Variants in SMPDL3A observed in about 807,000 individuals in gnomAD.
The protein encoded by SMPDL3A is sphingomyelin phosphodiesterase acid like 3A, also known as cyclic GMP-AMP phosphodiesterase SMPDL3A.
SMPDL3A carries 39 observed loss-of-function variants against 38.5 expected under a neutral mutation model. The ratio of observed to expected loss-of-function variants is 1.01; its 90% CI spans 0.78 to 1.32. The LOEUF (loss-of-function observed/expected upper bound fraction) is 1.32. SMPDL3A is among the 40% of genes most tolerant of loss of function. The pLI is 0.00. For synonymous variants in SMPDL3A, 180 were observed against 194.3 expected (o/e 0.93, Z 0.61); for missense variants, 502 against 536.2 (o/e 0.94, Z 0.63).
intron 1 of SMPDL3A, among the ~76,000 whole-genome samples, chr6:122,794,264 T>C (rs1487623272): frequency 6.6e-6 from 1 of 152,202 alleles, no homozygotes; most frequent in African/African-American, 2.4e-5. Flanking sequence ...TAAAGAGAGA[T>C]ACCACTGTGA....
intron 4 of SMPDL3A, among the ~76,000 whole-genome samples, chr6:122,802,290 C>T (rs1220920644): frequency 6.6e-6 from 1 of 151,728 alleles, no homozygotes; most frequent in Non-Finnish European, 1.5e-5. Context: ...CAACCTCTGC[C>T]TCCTGGTTTC....
At chr6:122,802,049 C>T (rs962614894) in intron 4 of SMPDL3A, among the ~76,000 whole-genome samples, 2 of 152,072 alleles carry the variant, frequency 1.3e-5, no homozygotes, top group African/African-American at 2.4e-5. Context: ...ATACTTCTTT[C>T]GGTATTTTTG....
At chr6:122,789,698 G>A (rs1314000440) in intron 1 of SMPDL3A, 1 of 460,452 alleles carries the variant, frequency 2.2e-6, no homozygotes, top group Non-Finnish European at 2.9e-6. Context: ...GCCCTCGCCG[G>A]TGGGGGCGCT....
chr6:122,803,975 ATTTTCTTTCTTT>A (rs1781513237), intron 5 of SMPDL3A, 142 bp downstream of exon 5: 1 of 587,696 alleles, frequency 1.7e-6, no homozygotes, highest in Non-Finnish European at 2.8e-6. Flanking sequence ...CAACTCATGG[ATTTTCTTTCTTT>A]TTTTTTTTTT....
Position 122,806,322 on chromosome 6 carries a change from C to T in SMPDL3A, c.1009C>T (p.Leu337=). The change falls in exon 7 of 8, where the codon CTG becomes TTG. Residue 337 remains leucine, a synonymous_variant. Transcript: ENST00000368440. ...ACAGACCAACAATCCTGGTATCAGA[C>T]TGTTTCAGTATGATCCTCGTGATTA... ...EKQTNNPGIR[L]FQYDPRDYKL... 1 of 1,613,274 alleles carries T rather than the reference C, an allele frequency of 6.2e-7. No individual in the cohort carries two copies. Among genetic ancestry groups the T allele is most frequent in the Non-Finnish European group, 8.5e-7 (1 of 1,179,458 alleles).
chr6:122,795,809 A>C lies in SMPDL3A; in HGVS notation c.245A>C (p.Asp82Ala). 6.2e-7 allele frequency: 1 copy of C among 1,614,140 alleles called. No individual in the cohort carries two copies. Among genetic ancestry groups the C allele is most frequent in the Non-Finnish European group, 8.5e-7 (1 of 1,179,976 alleles). ...GGCCCTTTTGGAGATGTTCTGTGTGATTCTCCATATCAACTTATTTTGTCA... is the reference window on the plus strand; with the variant it reads ...GGCCCTTTTGGAGATGTTCTGTGTGCTTCTCCATATCAACTTATTTTGTCA... ...NPGPFGDVLC[D>A]SPYQLILSAF... The change falls in exon 2 of 8, where the codon GAT becomes GCT. Residue 82 changes from aspartate to alanine, a missense_variant. Coordinates refer to ENST00000368440, the MANE Select transcript of SMPDL3A (RefSeq NM_006714.5).
At chr6:122,795,317 A>G (rs1040958489) in intron 1 of SMPDL3A, among the ~76,000 whole-genome samples, 2 of 151,954 alleles carry the variant, frequency 1.3e-5, no homozygotes, top group Non-Finnish European at 2.9e-5. Flanking sequence ...AATTTTTTAT[A>G]TTTTTGGTAG....
Position 122,809,188 on chromosome 6 carries a change from A to C in SMPDL3A, c.1142A>C (p.Glu381Ala), listed in dbSNP as rs138595330. 74 of 1,614,194 alleles carry C rather than the reference A, an allele frequency of 4.6e-5. No individual in the cohort carries two copies. In the African/African-American group the frequency reaches 7.5e-4, roughly 16 times the overall value. ...EYILTQTYDIEDLQPESLYGL... is the reference protein window; with the variant it reads ...EYILTQTYDIADLQPESLYGL... ...ATCCTGACCCAGACCTACGACATTGAAGATTTGCAGCCGGAAAGTTTATAT... is the reference window on the plus strand; with the variant it reads ...ATCCTGACCCAGACCTACGACATTGCAGATTTGCAGCCGGAAAGTTTATAT... Residue 381 changes from glutamate (E) to alanine (A), a missense_variant, in exon 8 of 8, where the codon GAA becomes GCA. Transcript: ENST00000368440.
At chr6:122,789,543 G>A in intron 1 of SMPDL3A, 85 bp downstream of exon 1, 1 of 1,213,864 alleles carries the variant, frequency 8.2e-7, no homozygotes, top group Non-Finnish European at 1.2e-6. Context: ...AAGTGCGTGG[G>A]GGCAGCTGCC....
rs564184573 is a variant in SMPDL3A, at chr6:122,809,279, T to C, written c.1233T>C (p.Phe411=). The change falls in exon 8 of 8, where the codon TTT becomes TTC. Residue 411 remains phenylalanine (F), a synonymous_variant. Coordinates refer to ENST00000368440, the MANE Select transcript of SMPDL3A (RefSeq NM_006714.5). ...KQFIKYYNYF[F]VSYDSSVTCD... ...TTATAAAATACTACAATTACTTCTT[T>C]GTGAGTTATGACAGCAGTGTAACAT... 6.2e-7 allele frequency: 1 copy of C among 1,614,046 alleles called. No individual in the cohort carries two copies. Among genetic ancestry groups the C allele is most frequent in the African/African-American group, 1.3e-5 (1 of 75,052 alleles).
intron 2 of SMPDL3A, among the ~76,000 whole-genome samples, chr6:122,796,232 A>C (rs1357849729): frequency 6.6e-6 from 1 of 152,200 alleles, no homozygotes; most frequent in East Asian, 1.9e-4. Context: ...CAATTTTGTA[A>C]AGCATCATCT....
intron 7 of SMPDL3A, among the ~76,000 whole-genome samples, chr6:122,808,388 C>T (rs1781706393): frequency 6.6e-6 from 1 of 152,174 alleles, no homozygotes; most frequent in Non-Finnish European, 1.5e-5. Flanking sequence ...AAAAATTTGA[C>T]AGTCGGCTTT....
intron 1 of SMPDL3A, among the ~76,000 whole-genome samples, chr6:122,795,229 C>T (rs551176420): frequency 1.4e-4 from 21 of 152,096 alleles, no homozygotes; most frequent in Non-Finnish European, 2.4e-4. Context: ...ACAACCTCCA[C>T]CTCCCGGGTT....
chr6:122,806,071 T>G (rs1340561403), intron 6 of SMPDL3A, among the ~76,000 whole-genome samples, 162 bp from the exon 7 acceptor site: 1 of 152,226 alleles, frequency 6.6e-6, no homozygotes, highest in Non-Finnish European at 1.5e-5. Context: ...TGTCCCTATT[T>G]TCTCCAAATT....
intron 1 of SMPDL3A, 25 bp from the exon 2 acceptor site, chr6:122,795,652 T>C (rs1375746194): frequency 6.5e-7 from 1 of 1,546,902 alleles, no homozygotes. Flanking sequence ...AGTAGATTTA[T>C]CTGCATTTTT....
At chr6:122,808,086 A>C (rs1003207610) in intron 7 of SMPDL3A, among the ~76,000 whole-genome samples, 2 of 152,144 alleles carry the variant, frequency 1.3e-5, no homozygotes, top group African/African-American at 2.4e-5. Context: ...ATAATTTCTT[A>C]TATAATTTCT....
chr6:122,803,565 C>A, intron 4 of SMPDL3A, 99 bp from the exon 5 acceptor site: 1 of 820,404 alleles, frequency 1.2e-6, no homozygotes, highest in Non-Finnish European at 1.9e-6. Flanking sequence ...AAATAAGCAC[C>A]AACCTCCTGA....
chr6:122,799,577 C>A lies in SMPDL3A; in HGVS notation c.472-1733C>A, dbSNP rs953416526. 3.9e-5 allele frequency among the ~76,000 whole-genome samples: 6 copies of A among 152,178 alleles called. No homozygotes were observed. The East Asian group carries it at 1.2e-3, about 29-fold the overall frequency. On this transcript the variant is annotated intron_variant, in intron 3 of 7. Transcript: ENST00000368440. ...ATGGCTTTTTATTATATGATGATAA[C>A]GATGCGTACCAATTTTCAATCAGAA... is the stretch of plus-strand genomic sequence containing the variant.
At chr6:122,808,609 CCCTTCCTTCCTTCCTTCCTT>C (rs1194682012) in intron 7 of SMPDL3A, among the ~76,000 whole-genome samples, 3 of 44,310 alleles carry the variant, frequency 6.8e-5, no homozygotes, top group Admixed American at 2.2e-4. Flanking sequence ...CTCCCTCCCT[CCCTTCCTTCCTTCCTTCCTT>C]CCTTCCTTCC....
Sources: allele counts gnomAD v4.1 joint callset (sites outside exome capture counted in the v4.1 genomes callset), GRCh38; gene constraint gnomAD v4.1.1; transcripts MANE v1.5; gene names NCBI Gene and HGNC (gene_info 2026-07-23, HGNC 2026-07-21).